The following DENND5A variants were observed in gnomAD, a reference collection of about 807,000 sequenced individuals.
The protein encoded by DENND5A is DENN domain containing 5A, also known as DENN domain-containing protein 5A.
A neutral mutation model predicts 140.3 loss-of-function variants in DENND5A; 64 were observed. That is an observed-to-expected ratio of 0.46 (90% CI 0.37 to 0.56). DENND5A has a LOEUF of 0.56. DENND5A is among the 20% of genes least tolerant of loss of function. The probability of loss-of-function intolerance (pLI) is 0.00; values close to 1 mark genes in which losing one functional copy is unlikely to be tolerated. For missense variants in DENND5A, 1,292 were observed against 1,593.8 expected (o/e 0.81, Z 3.22); for synonymous variants, 605 against 607.7 (o/e 1.00, Z 0.07).
intron 5 of DENND5A, 99 bp downstream of exon 5, chr11:9,193,395 A>T: frequency 1.0e-6 from 1 of 963,354 alleles, no homozygotes; most frequent in Admixed American, 3.3e-5. Flanking sequence ...AAATAGAAGA[A>T]AATAAACTTG....
At position 9,178,294 on chromosome 11, in the gene DENND5A, C is replaced by T. The variant is rs142569478; in HGVS notation, c.1744G>A (p.Ala582Thr). ...ATTATTTTGTTGTCAATGAAAGATG[C>T]AAACATCTGGGTCTCCAGGAATCTT... ...LSRFLETQMF[A>T]SFIDNKIMCH... Residue 582 changes from alanine (A) to threonine (T), a missense_variant, in exon 8 of 23, where the codon GCA becomes ACA. Transcript: ENST00000328194. 1.1e-5 allele frequency: 17 copies of T among 1,613,854 alleles called. No individual in the cohort carries two copies. Among genetic ancestry groups the T allele is most frequent in the Middle Eastern group, 1.6e-4 (1 of 6,084 alleles).
rs190046823 is a variant in DENND5A at position 9,218,492 on chromosome 11, G to A, written c.110-10860C>T. Among the ~76,000 whole-genome samples, 418 of 152,224 alleles carry A rather than the reference G, an allele frequency of 2.7e-3. 2 individuals are homozygous for A. The highest frequency in any genetic ancestry group is 3.4e-3 in the Non-Finnish European group (234 of 68,010). ...GTGGCTCCCAGCTCTTTGGGAGGCCGAGGGGAGTGGATCACTTAAGCCCAG... is the reference window on the plus strand; with the variant it reads ...GTGGCTCCCAGCTCTTTGGGAGGCCAAGGGGAGTGGATCACTTAAGCCCAG... On this transcript the variant is annotated intron_variant, in intron 1 of 22. Transcript: ENST00000328194.
Position 9,191,529 on chromosome 11 carries a change from C to T in DENND5A, c.1137+1965G>A, listed in dbSNP as rs116879027. 6.0e-3 allele frequency among the ~76,000 whole-genome samples: 910 copies of T among 152,284 alleles called. 6 individuals are homozygous for T. Among genetic ancestry groups the T allele is most frequent in the Non-Finnish European group, 0.01 (684 of 68,014 alleles). On this transcript the variant is annotated intron_variant, in intron 5 of 22. Transcript: ENST00000328194. Reference sequence around the variant, plus strand: ...TGATGGGATTATAGGCGTGAGCCACCGCACCCGGCCAACTTTTGGGTTTCT... The same window carrying T: ...TGATGGGATTATAGGCGTGAGCCACTGCACCCGGCCAACTTTTGGGTTTCT...
At chr11:9,215,620 T>G (rs1270514454) in intron 1 of DENND5A, among the ~76,000 whole-genome samples, 1 of 150,072 alleles carries the variant, frequency 6.7e-6, no homozygotes, top group Non-Finnish European at 1.5e-5. Flanking sequence ...CGAACTCAGC[T>G]CACTGCAACC....
chr11:9,240,448 G>A (rs1287916625), intron 1 of DENND5A, among the ~76,000 whole-genome samples: 3 of 152,122 alleles, frequency 2.0e-5, no homozygotes, highest in African/African-American at 7.2e-5. Flanking sequence ...AGGGGCACTC[G>A]CCTGTAATCC....
chr11:9,253,010 C>A (rs1851796960), intron 1 of DENND5A, among the ~76,000 whole-genome samples: 2 of 145,396 alleles, frequency 1.4e-5, no homozygotes, highest in South Asian at 4.3e-4. Context: ...ACCACTACAC[C>A]AGGCTAATTT....
At chr11:9,206,573 T>C (rs1166045635) in intron 3 of DENND5A, 100 bp downstream of exon 3, 6 of 834,040 alleles carry the variant, frequency 7.2e-6, no homozygotes, top group Middle Eastern at 2.2e-4. Context: ...TCAAAAGTTA[T>C]TGGTATTTGG....
chr11:9,209,825 G>T (rs1342456563), intron 1 of DENND5A, among the ~76,000 whole-genome samples: 1 of 152,112 alleles, frequency 6.6e-6, no homozygotes, highest in Non-Finnish European at 1.5e-5. Flanking sequence ...ACAGTAAGGG[G>T]CTGGGCACGG....
chr11:9,253,973 C>G (rs1223723189), intron 1 of DENND5A, among the ~76,000 whole-genome samples: 1 of 151,970 alleles, frequency 6.6e-6, no homozygotes, highest in Non-Finnish European at 1.5e-5. Context: ...GCCTGACCAA[C>G]ATGGAGAAAC....
intron 21 of DENND5A, 93 bp downstream of exon 21, chr11:9,142,629 T>C: frequency 6.7e-7 from 1 of 1,499,654 alleles, no homozygotes; most frequent in Middle Eastern, 1.8e-4. Flanking sequence ...ATTTGGGTTC[T>C]GCCTCTCAGA....
intron 1 of DENND5A, among the ~76,000 whole-genome samples, chr11:9,228,972 G>A (rs568660539): frequency 7.2e-5 from 11 of 152,208 alleles, no homozygotes; most frequent in African/African-American, 2.2e-4. Context: ...CTTAGGAAGG[G>A]GTCATGGGAA....
At chr11:9,264,882 G>C (rs1852374289) in intron 1 of DENND5A, 79 bp downstream of exon 1, 1 of 1,286,266 alleles carries the variant, frequency 7.8e-7, no homozygotes, top group African/African-American at 1.6e-5. Context: ...GGGACAAAGC[G>C]GGGCTGAAGG....
chr11:9,222,197 G>A (rs1850341670), intron 1 of DENND5A, among the ~76,000 whole-genome samples: 1 of 152,124 alleles, frequency 6.6e-6, no homozygotes, highest in Admixed American at 6.6e-5. Context: ...TCAATGCATG[G>A]CTAATCTTGC....
chr11:9,156,392 A>G (rs1050923676), intron 12 of DENND5A, among the ~76,000 whole-genome samples: 1 of 152,164 alleles, frequency 6.6e-6, no homozygotes, highest in Non-Finnish European at 1.5e-5. Context: ...ACTCTCCAAA[A>G]TAAGAGGGGG....
At chr11:9,223,963 G>A (rs541558925) in intron 1 of DENND5A, among the ~76,000 whole-genome samples, 8 of 151,922 alleles carry the variant, frequency 5.3e-5, no homozygotes, top group Non-Finnish European at 7.4e-5. Context: ...AGGCCGCAGT[G>A]GGCGGATCAC....
intron 10 of DENND5A, 120 bp from the exon 11 acceptor site, chr11:9,166,087 C>CA: frequency 1.4e-6 from 1 of 716,070 alleles, no homozygotes; most frequent in Non-Finnish European, 2.1e-6. Context: ...TTTTCTTTTT[C>CA]TTTTTTTTTT....
At chr11:9,255,404 G>A (rs114424337) in intron 1 of DENND5A, among the ~76,000 whole-genome samples, 5,042 of 151,818 alleles carry the variant, frequency 0.033, 295 homozygotes, top group African/African-American at 0.12. Context: ...GCCTGGGCAA[G>A]ATGGTGAGAC....
chr11:9,211,509 T>G (rs1036897477), intron 1 of DENND5A, among the ~76,000 whole-genome samples: 1 of 152,126 alleles, frequency 6.6e-6, no homozygotes, highest in African/African-American at 2.4e-5. Context: ...CTGCTCAGCA[T>G]ATAAAGAAAC....
chr11:9,200,466 T>C (rs528277829), intron 4 of DENND5A, among the ~76,000 whole-genome samples: 2 of 152,324 alleles, frequency 1.3e-5, no homozygotes, highest in South Asian at 4.1e-4. Flanking sequence ...AGCAGATGCT[T>C]TTTGTTTGGC....
Sources: gnomAD v4.1 joint callset for allele counts (sites outside exome capture counted in the v4.1 genomes callset) on GRCh38, gnomAD v4.1.1 for gene constraint, MANE v1.5 for transcripts, NCBI Gene and HGNC (gene_info 2026-07-23, HGNC 2026-07-21) for gene names.